The following HHAT variants were observed in gnomAD, a reference collection of about 807,000 sequenced individuals.
HHAT encodes the protein hedgehog acyltransferase.
A neutral mutation model predicts 70.8 loss-of-function variants in HHAT; 47 were observed. The ratio of observed to expected loss-of-function variants is 0.66; its 90% confidence interval spans 0.53 to 0.85. The LOEUF (loss-of-function observed/expected upper bound fraction) is 0.85. Among genes scored for constraint, HHAT ranks in the 40% least tolerant of loss-of-function variants. The probability of loss-of-function intolerance (pLI) is 0.00; values close to 1 mark genes in which losing one functional copy is unlikely to be tolerated. For synonymous variants in HHAT, 228 were observed against 247.6 expected (o/e 0.92, Z 0.74); for missense variants, 609 against 604.8 (o/e 1.01, Z -0.07).
intron 11 of HHAT, among the ~76,000 whole-genome samples, chr1:210,628,497 C>T (rs766463275): frequency 3.3e-5 from 5 of 152,106 alleles, no homozygotes; most frequent in African/African-American, 4.8e-5. Context: ...CACATGCACA[C>T]GTACACACAT....
At chr1:210,514,304 A>G (rs1007810912) in intron 9 of HHAT, among the ~76,000 whole-genome samples, 1 of 152,198 alleles carries the variant, frequency 6.6e-6, no homozygotes, top group Non-Finnish European at 1.5e-5. Flanking sequence ...TTTCTCCAGG[A>G]TCCAGACACA....
At chr1:210,626,744 G>GA (rs962893549) in intron 11 of HHAT, among the ~76,000 whole-genome samples, 4 of 151,776 alleles carry the variant, frequency 2.6e-5, no homozygotes, top group African/African-American at 4.8e-5. Context: ...ATGTTTTGGT[G>GA]AAAAAAAATA....
intron 1 of HHAT, among the ~76,000 whole-genome samples, chr1:210,337,344 GAACT>G (rs150340422): frequency 0.018 from 2,774 of 152,258 alleles, 36 homozygotes; most frequent in South Asian, 0.034. Flanking sequence ...ATAAGGCCAT[GAACT>G]AACTGAGGGC....
chr1:210,502,399 A>AAAAT (rs1553248497), intron 8 of HHAT, among the ~76,000 whole-genome samples: 2 of 151,720 alleles, frequency 1.3e-5, no homozygotes, highest in Non-Finnish European at 2.9e-5. Context: ...AAAAAAAAAA[A>AAAAT]AAATCTTTCC....
chr1:210,670,639 C>T (rs1679888272), intron 11 of HHAT, among the ~76,000 whole-genome samples: 1 of 152,164 alleles, frequency 6.6e-6, no homozygotes, highest in African/African-American at 2.4e-5. Flanking sequence ...ACAAATCTTA[C>T]TCCTGAGGTT....
chr1:210,673,663 C>G (rs1159453286), intron 11 of HHAT, among the ~76,000 whole-genome samples: 1 of 151,382 alleles, frequency 6.6e-6, no homozygotes, highest in Non-Finnish European at 1.5e-5. Flanking sequence ...ACACTCATAG[C>G]TCACTGTAAC....
chr1:210,601,228 T>C (rs559159267), intron 10 of HHAT, among the ~76,000 whole-genome samples: 141 of 152,334 alleles, frequency 9.3e-4, no homozygotes, highest in Non-Finnish European at 1.7e-3. Flanking sequence ...TTGTTGATTG[T>C]AAATTGATCA....
chr1:210,353,866 AG>A (rs2147991319), intron 2 of HHAT, among the ~76,000 whole-genome samples: 1 of 151,674 alleles, frequency 6.6e-6, no homozygotes, highest in African/African-American at 2.4e-5. Flanking sequence ...TTGTTTCTTT[AG>A]GTTTGGTCTG....
chr1:210,511,046 T>C (rs1225322359), intron 8 of HHAT, among the ~76,000 whole-genome samples: 1 of 152,232 alleles, frequency 6.6e-6, no homozygotes, highest in Non-Finnish European at 1.5e-5. Flanking sequence ...TTAAAATTGC[T>C]GTCTGTGGTG....
chr1:210,563,024 C>CGGATAAACTT (rs2095638565), intron 9 of HHAT, among the ~76,000 whole-genome samples: 1 of 152,084 alleles, frequency 6.6e-6, no homozygotes, highest in Admixed American at 6.6e-5. Context: ...AGGCTCAGAA[C>CGGATAAACTT]GGATAAACTT....
chr1:210,624,241 C>T (rs1669424780), intron 11 of HHAT, among the ~76,000 whole-genome samples: 1 of 152,172 alleles, frequency 6.6e-6, no homozygotes. Context: ...GGGGACTCTA[C>T]AGAGAGTTCC....
At chr1:210,470,962 G>A (rs1038623587) in intron 8 of HHAT, among the ~76,000 whole-genome samples, 3 of 152,166 alleles carry the variant, frequency 2.0e-5, no homozygotes, top group Admixed American at 6.5e-5. Flanking sequence ...CTACTTGGTT[G>A]CAACCCATCA....
chr1:210,553,211 G>A (rs1000492017), intron 9 of HHAT, among the ~76,000 whole-genome samples: 10 of 152,122 alleles, frequency 6.6e-5, no homozygotes, highest in Non-Finnish European at 1.3e-4. Flanking sequence ...TGGCTTCCTG[G>A]CGCACAGCAA....
chr1:210,664,709 G>GC (rs35881598), intron 11 of HHAT, among the ~76,000 whole-genome samples: 52,445 of 152,122 alleles, frequency 0.34, 9,221 homozygotes, highest in East Asian at 0.38. Context: ...AGAGATGGTG[G>GC]CAAGTGCAGG....
intron 9 of HHAT, among the ~76,000 whole-genome samples, chr1:210,515,819 G>T (rs987470585): frequency 6.7e-6 from 1 of 149,562 alleles, no homozygotes; most frequent in African/African-American, 2.5e-5. Flanking sequence ...TGTAATCCCA[G>T]CACTTTGGGA....
At chr1:210,358,398 C>T (rs1336063978) in intron 2 of HHAT, among the ~76,000 whole-genome samples, 1 of 152,196 alleles carries the variant, frequency 6.6e-6, no homozygotes, top group Non-Finnish European at 1.5e-5. Context: ...CATCCATTGA[C>T]ATATCTGATT....
chr1:210,478,753 A>C (rs1473244831), intron 8 of HHAT, among the ~76,000 whole-genome samples: 2 of 152,166 alleles, frequency 1.3e-5, no homozygotes, highest in Non-Finnish European at 2.9e-5. Flanking sequence ...AAATCTATGC[A>C]GGCTGTTCTT....
intron 1 of HHAT, among the ~76,000 whole-genome samples, chr1:210,332,437 G>A (rs779884918): frequency 5.9e-5 from 9 of 152,334 alleles, no homozygotes; most frequent in South Asian, 4.2e-4. Context: ...CCCAGATTGC[G>A]TACCGCAGTG....
chr1:210,434,673 T>A (rs2093334556), intron 7 of HHAT, among the ~76,000 whole-genome samples: 1 of 151,740 alleles, frequency 6.6e-6, no homozygotes, highest in Non-Finnish European at 1.5e-5. Context: ...AATGTTAATA[T>A]CCTACAACTG....
Sources: allele counts gnomAD v4.1 joint callset (sites outside exome capture counted in the v4.1 genomes callset), GRCh38; gene constraint gnomAD v4.1.1; transcripts MANE v1.5; gene names NCBI Gene and HGNC (gene_info 2026-07-23, HGNC 2026-07-21).